Variants in ZNF891 observed in about 807,000 individuals in gnomAD.
The protein encoded by ZNF891 is hCG1646157.
For synonymous variants in ZNF891, 199 were observed against 209.0 expected, an observed-to-expected ratio of 0.95 and a Z score of 0.41; for missense variants, 589 against 632.7, an observed-to-expected ratio of 0.93 and a Z score of 0.74.
intron 1 of ZNF891, among the ~76,000 whole-genome samples, chr12:133,126,473 C>CAAA (rs869209894): frequency 0.23 from 13,487 of 58,054 alleles, 1,461 homozygotes; most frequent in Non-Finnish European, 0.34. Flanking sequence ...GACTCCGTCT[C>CAAA]AAAAAAAAAA....
Position 133,106,292 on chromosome 12 carries a change from C to A in ZNF891, c.*13992G>T. 2 of 1,614,124 alleles carry A rather than the reference C, an allele frequency of 1.2e-6. No homozygotes were observed. Among genetic ancestry groups the A allele is most frequent in the Non-Finnish European group, 1.7e-6 (2 of 1,180,012 alleles). On this transcript the variant is annotated 3_prime_UTR_variant, in exon 2 of 2. Transcript: ENST00000537226. ...ATGTAATGAATGTAGGAAAGCTTTC[C>A]GTTGTCACTCATTCCTTATTAAACA...
chr12:133,105,847 A>G lies in ZNF891; in HGVS notation c.*14437T>C. On this transcript the variant is annotated 3_prime_UTR_variant, in exon 2 of 2. Transcript: ENST00000537226. ...CTCATACTGGAGAGAAACCATATGC[A>G]TGTAAGGAATGTGGCAAAACCTTTA... is the stretch of plus-strand genomic sequence containing the variant. 1 of 1,614,206 alleles carries G rather than the reference A, an allele frequency of 6.2e-7. No individual in the cohort carries two copies. The highest frequency in any genetic ancestry group is 8.5e-7 in the Non-Finnish European group (1 of 1,180,044).
Position 133,115,283 on chromosome 12 carries a change from C to A in ZNF891, c.*5001G>T, listed in dbSNP as rs1342003314. 6.7e-6 allele frequency: 1 copy of A among 148,686 alleles called. No homozygotes were observed. The highest frequency in any genetic ancestry group is 2.5e-5 in the African/African-American group (1 of 40,476). The allele number at this position is 148,686 out of a possible 1,614,324, so 9.2% of individuals were successfully genotyped here. A position where few individuals can be genotyped will look rare whatever the true frequency, so the allele number is the denominator to read the frequency against. ...TGGCACATGCCTGTAATCCCAGCTA[C>A]TTGGGAGGCTGAGGCAGGAGAATTG... On this transcript the variant is annotated 3_prime_UTR_variant, in exon 2 of 2. Transcript: ENST00000537226.
At position 133,118,893 on chromosome 12, in the gene ZNF891, T is replaced by C. The variant is rs1460521315; in HGVS notation, c.*1391A>G. 1.3e-5 allele frequency: 2 copies of C among 152,150 alleles called. No homozygotes were observed. Among genetic ancestry groups the C allele is most frequent in the East Asian group, 3.9e-4 (2 of 5,190 alleles). The allele number at this position is 152,150 out of a possible 1,614,324, so 9.4% of individuals were successfully genotyped here. On this transcript the variant is annotated 3_prime_UTR_variant, in exon 2 of 2. Transcript: ENST00000537226. ...TTCTGTTTTTCTACAATATGGTGAC[T>C]GCGTTGACTGTATTTATGTAGTGCT...
chr12:133,125,985 C>A, intron 1 of ZNF891: 1 of 379,576 alleles, frequency 2.6e-6, no homozygotes, highest in South Asian at 2.3e-5. Flanking sequence ...TAAATATGTA[C>A]ATCTTCTCAT....
Position 133,120,690 on chromosome 12 carries a change from C to T in ZNF891, c.1229G>A (p.Gly410Glu). ...GTAAGAGCTTGTGCCAAAGGATTTT[C>T]CACACTGATTACATTCATAAGGTTT... ...GEKPYECNQC[G>E]KSFGTSSYLI... The change falls in exon 2 of 2, where the codon GGA (glycine) becomes GAA (glutamate). Residue 410 changes from glycine (G) to glutamate (E), a missense_variant. Coordinates refer to ENST00000537226, the MANE Select transcript of ZNF891 (RefSeq NM_001277291.2). 1 of 1,562,314 alleles carries T rather than the reference C, an allele frequency of 6.4e-7. No homozygotes were observed. Among genetic ancestry groups the T allele is most frequent in the Non-Finnish European group, 8.7e-7 (1 of 1,154,216 alleles).
Position 133,119,305 on chromosome 12 carries a change from A to T in ZNF891, c.*979T>A, listed in dbSNP as rs540975083. 6.6e-6 allele frequency: 1 copy of T among 152,260 alleles called. No individual in the cohort carries two copies. Among genetic ancestry groups the T allele is most frequent in the Admixed American group, 6.5e-5 (1 of 15,298 alleles). The allele number at this position is 152,260 out of a possible 1,614,324, so 9.4% of individuals were successfully genotyped here. A position where few individuals can be genotyped will look rare whatever the true frequency, so the allele number is the denominator to read the frequency against. ...ACGCCTGTAATGCCAACACTTTGGGACGCCTAGGTGGGTGGATCACCTGAG... is the reference window on the plus strand; with the variant it reads ...ACGCCTGTAATGCCAACACTTTGGGTCGCCTAGGTGGGTGGATCACCTGAG... On this transcript the variant is annotated 3_prime_UTR_variant, in exon 2 of 2. Transcript: ENST00000537226.
At chr12:133,127,759 TAC>T (rs1955831300) in intron 1 of ZNF891, among the ~76,000 whole-genome samples, 1 of 152,210 alleles carries the variant, frequency 6.6e-6, no homozygotes, top group African/African-American at 2.4e-5. Context: ...GCTGCATGCC[TAC>T]AGAGTAACTG....
chr12:133,124,836 A>G (rs1955799560), intron 1 of ZNF891, among the ~76,000 whole-genome samples: 1 of 150,454 alleles, frequency 6.6e-6, no homozygotes, highest in Non-Finnish European at 1.5e-5. Flanking sequence ...GTGTGTGTTA[A>G]CCACTCAAGA....
rs979736813 is a variant in ZNF891 at position 133,112,157 on chromosome 12, T to G, written c.*8127A>C. ...TTTTCCATTTACTGGACTTACTTTCTGTTCCACAAATATGTCAAATCCTGA... is the reference window on the plus strand; with the variant it reads ...TTTTCCATTTACTGGACTTACTTTCGGTTCCACAAATATGTCAAATCCTGA... On this transcript the variant is annotated 3_prime_UTR_variant, in exon 2 of 2. Coordinates refer to ENST00000537226, the MANE Select transcript of ZNF891 (RefSeq NM_001277291.2). 6.6e-6 allele frequency: 1 copy of G among 152,292 alleles called. No homozygotes were observed. The allele number at this position is 152,292 out of a possible 1,614,324, so 9.4% of individuals were successfully genotyped here.
Position 133,120,676 on chromosome 12 carries a change from T to C in ZNF891, c.1243A>G (p.Thr415Ala). ...ECNQCGKSFG[T>A]SSYLIVHKRI... ...TTGTGCACTATAAGGTAAGAGCTTG[T>C]GCCAAAGGATTTTCCACACTGATTA... The change falls in exon 2 of 2, where the codon ACA becomes GCA. Residue 415 changes from threonine to alanine, a missense_variant. Physicochemically the swap from Thr to Ala is moderately conservative, Grantham distance 58. Coordinates refer to ENST00000537226, the MANE Select transcript of ZNF891 (RefSeq NM_001277291.2). 6.4e-7 allele frequency: 1 copy of C among 1,559,090 alleles called. No homozygotes were observed. Among genetic ancestry groups the C allele is most frequent in the Non-Finnish European group, 8.7e-7 (1 of 1,152,576 alleles).
chr12:133,122,997 G>T (rs1429025112), intron 1 of ZNF891, among the ~76,000 whole-genome samples: 2 of 152,116 alleles, frequency 1.3e-5, no homozygotes, highest in African/African-American at 4.8e-5. Flanking sequence ...ATACATGCTT[G>T]GGGACTTTAA....
At position 133,116,731 on chromosome 12, in the gene ZNF891, G is replaced by A. The variant is rs1183336985; in HGVS notation, c.*3553C>T. 2 of 152,210 alleles carry A rather than the reference G, an allele frequency of 1.3e-5. No individual in the cohort carries two copies. Among genetic ancestry groups the A allele is most frequent in the African/African-American group, 2.4e-5 (1 of 41,428 alleles). 9.4% of individuals were successfully genotyped at this position (152,210 alleles called of 1,614,324 possible). Reference sequence around the variant, plus strand: ...TGGAGACTCTTTCATGGTGCCCTCTGAGATTCCCTTAATAAACTCCCTTAA... The same window carrying A: ...TGGAGACTCTTTCATGGTGCCCTCTAAGATTCCCTTAATAAACTCCCTTAA... On this transcript the variant is annotated 3_prime_UTR_variant, in exon 2 of 2. Coordinates refer to ENST00000537226, the MANE Select transcript of ZNF891 (RefSeq NM_001277291.2).
chr12:133,127,620 T>G (rs1343461083), intron 1 of ZNF891, among the ~76,000 whole-genome samples: 1 of 152,246 alleles, frequency 6.6e-6, no homozygotes, highest in African/African-American at 2.4e-5. Context: ...GACCCTTTCT[T>G]CAAGGCAGTT....
Position 133,120,581 on chromosome 12 carries a change from G to A in ZNF891, c.1338C>T (p.His446=). ...ECGKAFNTSS[H]LKVHKKIHTG... ...TATGAATTTTCTTATGAACTTTAAGGTGAGAGCTCGTGTTGAAGGCTTTTC... is the reference window on the plus strand; with the variant it reads ...TATGAATTTTCTTATGAACTTTAAGATGAGAGCTCGTGTTGAAGGCTTTTC... Residue 446 remains histidine (H), a synonymous_variant, in exon 2 of 2, where the codon CAC becomes CAT. Coordinates refer to ENST00000537226, the MANE Select transcript of ZNF891 (RefSeq NM_001277291.2). The A allele has an allele frequency of 6.4e-7, 1 of 1,558,642 alleles. No homozygotes were observed. The highest frequency in any genetic ancestry group is 8.7e-7 in the Non-Finnish European group (1 of 1,152,622).
rs750985833 is a variant in ZNF891 at position 133,114,107 on chromosome 12, A to G, written c.*6177T>C. On this transcript the variant is annotated 3_prime_UTR_variant, in exon 2 of 2. Coordinates refer to ENST00000537226, the MANE Select transcript of ZNF891 (RefSeq NM_001277291.2). ...ATACTTGGTCAACTCATCCCTTTTC[A>G]TATTATAATACATAATGGAACAGAA... 1.1e-4 allele frequency: 17 copies of G among 152,166 alleles called. No homozygotes were observed. Among genetic ancestry groups the G allele is most frequent in the Admixed American group, 5.2e-4 (8 of 15,272 alleles). 9.4% of individuals were successfully genotyped at this position (152,166 alleles called of 1,614,324 possible).
chr12:133,122,955 T>C (rs563691258), intron 1 of ZNF891, among the ~76,000 whole-genome samples: 1 of 152,296 alleles, frequency 6.6e-6, no homozygotes, highest in South Asian at 2.1e-4. Flanking sequence ...TTAATATAAA[T>C]AACAAAATAA....
chr12:133,123,924 A>G (rs1446506585), intron 1 of ZNF891, among the ~76,000 whole-genome samples: 1 of 152,172 alleles, frequency 6.6e-6, no homozygotes, highest in Non-Finnish European at 1.5e-5. Flanking sequence ...ATAGGAAAAA[A>G]TATTTGAATA....
At chr12:133,129,981 C>A (rs1955859138) in intron 1 of ZNF891, among the ~76,000 whole-genome samples, 1 of 152,164 alleles carries the variant, frequency 6.6e-6, no homozygotes, top group African/African-American at 2.4e-5. Flanking sequence ...TGCGTGGCAC[C>A]CGCAGCCAGC....
Sources: gnomAD v4.1 joint callset for allele counts (sites outside exome capture counted in the v4.1 genomes callset) on GRCh38, gnomAD v4.1.1 for gene constraint, MANE v1.5 for transcripts, NCBI Gene and HGNC (gene_info 2026-07-23, HGNC 2026-07-21) for gene names.